NFIX: variants seen among roughly 807,000 people sequenced by gnomAD.
NFIX encodes the protein nuclear factor I X.
Under a neutral mutation model 53.3 loss-of-function variants are expected in NFIX, and 2 were observed. That is an observed-to-expected ratio of 0.04 (90% CI 0.02 to 0.12). NFIX has a LOEUF of 0.12. Among genes scored for constraint, NFIX ranks in the 10% least tolerant of loss-of-function variants. The pLI, the probability that NFIX is intolerant of heterozygous loss-of-function variation, is 1.00. For synonymous variants in NFIX, 244 were observed against 289.0 expected (o/e 0.84, Z 1.58); for missense variants, 310 against 674.5 (o/e 0.46, Z 5.99).
Position 13,073,521 on chromosome 19 carries a change from C to A in NFIX, c.697+25C>A. On this transcript the variant is annotated intron_variant, in intron 4 of 10. Transcript: ENST00000592199. This position sits in a 1 kb window ranked among gnomAD's most constrained non-coding sequence, Gnocchi z 4.5. ...AGTAAGTGAGTCCTTCCTTCCAGGCCAGGGATGGGGATTGAAAGTGAGGAG... is the reference window on the plus strand; with the variant it reads ...AGTAAGTGAGTCCTTCCTTCCAGGCAAGGGATGGGGATTGAAAGTGAGGAG... 1 of 1,602,186 alleles carries A rather than the reference C, an allele frequency of 6.2e-7. No homozygotes were observed. Among genetic ancestry groups the A allele is most frequent in the Non-Finnish European group, 8.6e-7 (1 of 1,169,240 alleles).
intron 2 of NFIX, among the ~76,000 whole-genome samples, chr19:13,031,175 C>T (rs1465834914): frequency 1.3e-5 from 2 of 152,224 alleles, no homozygotes; most frequent in African/African-American, 4.8e-5. Flanking sequence ...TCCACCCAAC[C>T]AGTCAAGAGC....
At position 13,090,406 on chromosome 19, in the gene NFIX, C is replaced by G. The variant is rs750762232; in HGVS notation, c.1494+16C>G. On this transcript the variant is annotated intron_variant, in intron 10 of 10. Coordinates refer to ENST00000592199, the MANE Select transcript of NFIX (RefSeq NM_001365902.3). This position sits in a 1 kb window ranked among gnomAD's most constrained non-coding sequence, Gnocchi z 6.6. Reference sequence around the variant, plus strand: ...GCAGTCTCAGGTAGGAGACCCTGCCCACCACCTGGATGCAGGGACCAGGGG... The same window carrying G: ...GCAGTCTCAGGTAGGAGACCCTGCCGACCACCTGGATGCAGGGACCAGGGG... The G allele has an allele frequency of 2.3e-5, 37 of 1,607,958 alleles. No individual in the cohort carries two copies. The highest frequency in any genetic ancestry group is 2.4e-5 in the Non-Finnish European group (28 of 1,174,630).
In NFIX at chr19:13,067,047, T is replaced by A. The variant is rs938591901; in HGVS notation, c.560-6000T>A. Among the ~76,000 whole-genome samples, 8 of 152,126 alleles carry A rather than the reference T, an allele frequency of 5.3e-5. No individual in the cohort carries two copies. Among genetic ancestry groups the A allele is most frequent in the African/African-American group, 1.9e-4 (8 of 41,414 alleles). ...GTTTCAGGAGGCACAATAGTTACAT[T>A]CTCCAGCTCTGATTGCTACAGGCAG... is the stretch of plus-strand genomic sequence containing the variant. On this transcript the variant is annotated intron_variant, in intron 2 of 10. Transcript: ENST00000592199. This position sits in a 1 kb window ranked among gnomAD's most constrained non-coding sequence, Gnocchi z 4.2.
chr19:12,995,739 G>A lies in NFIX; in HGVS notation c.-99G>A, dbSNP rs1032119797. On this transcript the variant is annotated 5_prime_UTR_variant, in exon 1 of 11. Coordinates refer to ENST00000592199, the MANE Select transcript of NFIX (RefSeq NM_001365902.3). ...GGGCGGGCGCAGCGCGGCGGAGGCCGGAGGAGCCGAGCCGGAGCCCGAGCC... is the reference window on the plus strand; with the variant it reads ...GGGCGGGCGCAGCGCGGCGGAGGCCAGAGGAGCCGAGCCGGAGCCCGAGCC... The A allele has an allele frequency of 1.0e-5, 3 of 300,828 alleles. No individual in the cohort carries two copies. In the South Asian group the frequency reaches 3.8e-4, roughly 38 times the overall value. The allele number at this position is 300,828 out of a possible 1,614,324, so 18.6% of individuals were successfully genotyped here. A position where few individuals can be genotyped will look rare whatever the true frequency, so the allele number is the denominator to read the frequency against.
Position 13,024,113 on chromosome 19 carries a change from CAAAAA to C in NFIX, c.28-895_28-891del, listed in dbSNP as rs113861190. On this transcript the variant is annotated intron_variant, in intron 1 of 10. Coordinates refer to ENST00000592199, the MANE Select transcript of NFIX (RefSeq NM_001365902.3). ...TTTAAACTTCAAACAAGCAAACAAC[CAAAAA>C]AAAAAAAAAAAACCAAACAAAACCG... 2.5e-4 allele frequency: 104 copies of C among 412,416 alleles called. No individual in the cohort carries two copies. The East Asian group carries it at 3.6e-3, about 14-fold the overall frequency. 25.5% of individuals were successfully genotyped at this position (412,416 alleles called of 1,614,324 possible). A position where few individuals can be genotyped will look rare whatever the true frequency, so the allele number is the denominator to read the frequency against.
At chr19:13,055,537 C>T (rs2015615142) in intron 2 of NFIX, among the ~76,000 whole-genome samples, 1 of 152,236 alleles carries the variant, frequency 6.6e-6, no homozygotes, top group East Asian at 1.9e-4. Flanking sequence ...CCACATGTGT[C>T]TGTGGAGTGA....
rs1568246856 is a variant in NFIX, at chr19:12,995,492, C to A, written c.-346C>A. 2 of 155,826 alleles carry A rather than the reference C, an allele frequency of 1.3e-5. No homozygotes were observed. The highest frequency in any genetic ancestry group is 2.8e-5 in the Non-Finnish European group (2 of 71,070). The allele number at this position is 155,826 out of a possible 1,614,324, so 9.7% of individuals were successfully genotyped here. On this transcript the variant is annotated 5_prime_UTR_variant, in exon 1 of 11. Transcript: ENST00000592199. ...CAAACTTTGTCTAAACTTTCACTTT[C>A]ACAGCGCGGCGGCTGCGGCGGCGGC...
chr19:12,999,374 A>G (rs1369413674), intron 1 of NFIX, among the ~76,000 whole-genome samples: 2 of 151,942 alleles, frequency 1.3e-5, no homozygotes, highest in African/African-American at 4.8e-5. Context: ...GGGTTTCACC[A>G]TCTTGGCCCG....
At chr19:13,044,656 C>T (rs542913725) in intron 2 of NFIX, among the ~76,000 whole-genome samples, 26 of 152,246 alleles carry the variant, frequency 1.7e-4, no homozygotes, top group South Asian at 6.2e-4. Flanking sequence ...GGCGTGCATG[C>T]TTGTGAGAAG....
rs896611667 is a variant in NFIX, at chr19:13,072,187, G to A, written c.560-860G>A. On this transcript the variant is annotated intron_variant, in intron 2 of 10. Transcript: ENST00000592199. The surrounding 1 kb of genome is among the most constrained non-coding windows in gnomAD (Gnocchi z 4.0). ...CCAGGCAGGCATTCTGGAGGTCCCC[G>A]TTGTGCCCCTGGCACACAAAGCTTT... 2.0e-5 allele frequency among the ~76,000 whole-genome samples: 3 copies of A among 152,200 alleles called. No individual in the cohort carries two copies. The highest frequency in any genetic ancestry group is 1.3e-4 in the Admixed American group (2 of 15,288).
At position 13,025,128 on chromosome 19, in the gene NFIX, A is replaced by G. The variant is rs1372968336; in HGVS notation, c.135A>G (p.Glu45=). The part of the protein sequence containing the change: ...ARKRKYFKKH[E]KRMSKDEERA... Reference sequence around the variant, plus strand: ...AGCGCAAGTACTTCAAGAAGCATGAAAAGCGGATGTCGAAGGACGAGGAGC... The same window carrying G: ...AGCGCAAGTACTTCAAGAAGCATGAGAAGCGGATGTCGAAGGACGAGGAGC... The change falls in exon 2 of 11, where the codon GAA becomes GAG. Residue 45 remains glutamate (E), a synonymous_variant. Coordinates refer to ENST00000592199, the MANE Select transcript of NFIX (RefSeq NM_001365902.3). This position sits in a 1 kb window ranked among gnomAD's most constrained non-coding sequence, Gnocchi z 7.5. The G allele has an allele frequency of 3.1e-6, 5 of 1,614,204 alleles. No individual in the cohort carries two copies. Among genetic ancestry groups the G allele is most frequent in the Admixed American group, 3.3e-5 (2 of 60,026 alleles).
chr19:13,004,862 G>A (rs547011356), intron 1 of NFIX, among the ~76,000 whole-genome samples: 1 of 150,960 alleles, frequency 6.6e-6, no homozygotes, highest in East Asian at 1.9e-4. Context: ...TGTTGCCCAG[G>A]CTAGAGTGTA....
intron 2 of NFIX, among the ~76,000 whole-genome samples, chr19:13,034,767 G>T (rs550807637): frequency 6.6e-6 from 1 of 152,168 alleles, no homozygotes; most frequent in South Asian, 2.1e-4. Context: ...AAACTCTCGG[G>T]GTGTGTATAT....
At chr19:13,030,830 C>A (rs2013746925) in intron 2 of NFIX, among the ~76,000 whole-genome samples, 1 of 152,172 alleles carries the variant, frequency 6.6e-6, no homozygotes, top group Non-Finnish European at 1.5e-5. Context: ...GGGCTCAGTG[C>A]AAAATGAAAA....
intron 1 of NFIX, chr19:13,024,731 A>G: frequency 2.0e-6 from 3 of 1,532,942 alleles, no homozygotes; most frequent in African/African-American, 2.7e-5. Context: ...TGAGTGAGTG[A>G]GGGAGAGAGA....
At chr19:13,041,776 AG>A (rs2014638184) in intron 2 of NFIX, among the ~76,000 whole-genome samples, 1 of 148,872 alleles carries the variant, frequency 6.7e-6, no homozygotes, top group Admixed American at 6.6e-5. Flanking sequence ...CCTGGGCAAC[AG>A]AGCCAGACTC....
rs73507344 is a variant in NFIX at position 13,025,878 on chromosome 19, G to A, written c.559+326G>A. Among the ~76,000 whole-genome samples the A allele has an allele frequency of 0.013, 1,967 of 152,298 alleles. 33 individuals are homozygous for A. Among genetic ancestry groups the A allele is most frequent in the African/African-American group, 0.045 (1,855 of 41,562 alleles). ...GATGCCCCCAGAATTATCCATGATG[G>A]TGAGAGTTTGAGATGAACAACAACA... On this transcript the variant is annotated intron_variant, in intron 2 of 10. Coordinates refer to ENST00000592199, the MANE Select transcript of NFIX (RefSeq NM_001365902.3). This position sits in a 1 kb window ranked among gnomAD's most constrained non-coding sequence, Gnocchi z 7.5.
chr19:13,019,441 G>A lies in NFIX; in HGVS notation c.28-5580G>A, dbSNP rs917636409. 3.3e-5 allele frequency among the ~76,000 whole-genome samples: 5 copies of A among 152,186 alleles called. No homozygotes were observed. In the South Asian group the frequency reaches 1.0e-3, roughly 32 times the overall value. ...CTTAACTGGTTTTTCTTTCTCTGCC[G>A]CGGTGCAGAGCCCTTTTCTGTCTTC... On this transcript the variant is annotated intron_variant, in intron 1 of 10. Transcript: ENST00000592199.
rs147448415 is a variant in NFIX, at chr19:13,031,833, C to T, written c.559+6281C>T. Among the ~76,000 whole-genome samples, 410 of 152,260 alleles carry T rather than the reference C, an allele frequency of 2.7e-3. 6 individuals carry two copies. Among genetic ancestry groups the T allele is most frequent in the African/African-American group, 9.6e-3 (399 of 41,544 alleles). On this transcript the variant is annotated intron_variant, in intron 2 of 10. Coordinates refer to ENST00000592199, the MANE Select transcript of NFIX (RefSeq NM_001365902.3). ...AGTGGGTTAGAAGGGGTAATGAGGC[C>T]AGTGCTACGTTCTCCCTCTGTCCTG...
Sources: gnomAD v4.1 joint callset for allele counts (sites outside exome capture counted in the v4.1 genomes callset) on GRCh38, gnomAD v4.1.1 for gene constraint, Gnocchi (gnomAD v3.1) non-coding constraint, MANE v1.5 for transcripts, NCBI Gene and HGNC (gene_info 2026-07-23, HGNC 2026-07-21) for gene names.